The following WDFY4 variants were observed in gnomAD, a reference collection of about 807,000 sequenced individuals.
WDFY4 encodes WDFY family member 4, also known as WD repeat- and FYVE domain-containing protein 4.
WDFY4 carries 169 observed loss-of-function variants against 351.9 expected under a neutral mutation model. The observed-to-expected ratio is 0.48, with a 90% confidence interval of 0.42 to 0.55. WDFY4 has a LOEUF of 0.55. Among genes scored for constraint, WDFY4 ranks in the 20% least tolerant of loss-of-function variants. WDFY4 has a pLI of 0.00. For missense variants in WDFY4, 3,803 were observed against 3,935.6 expected (o/e 0.97, Z 0.90); for synonymous variants, 1,622 against 1,574.6 (o/e 1.03, Z -0.71).
intron 20 of WDFY4, among the ~76,000 whole-genome samples, chr10:48,787,239 A>G (rs1349607206): frequency 6.6e-6 from 1 of 152,220 alleles, no homozygotes; most frequent in African/African-American, 2.4e-5. Context: ...CCACATTTTC[A>G]TTATTGATTG....
intron 1 of WDFY4, among the ~76,000 whole-genome samples, chr10:48,709,129 C>T (rs146324544): frequency 4.4e-3 from 2 of 454 alleles, no homozygotes; most frequent in African/African-American, 4.6e-3. Flanking sequence ...CACATCTGGC[C>T]GGGCGCGGTG....
At chr10:48,947,003 C>T in intron 51 of WDFY4, 34 bp downstream of exon 51, 4 of 1,355,308 alleles carry the variant, frequency 3.0e-6, no homozygotes, top group Non-Finnish European at 4.1e-6. Flanking sequence ...CACACACACA[C>T]ACACACACAC....
Position 48,723,555 on chromosome 10 carries a change from G to A in WDFY4, c.579G>A (p.Lys193=), listed in dbSNP as rs1003895616. The A allele has an allele frequency of 6.4e-7, 1 of 1,551,824 alleles. No individual in the cohort carries two copies. The highest frequency in any genetic ancestry group is 1.4e-5 in the African/African-American group (1 of 73,040). ...TTGAGAGTGATCTTCAAGTTCAAAA[G>A]ATGTTCGTGCAGGTGAGTTCAAGGA... ...ELLESDLQVQ[K]MFVQMLLNIC... is the part of the protein sequence containing the mutation. The change falls in exon 5 of 62, where the codon AAG becomes AAA. Residue 193 remains lysine (K), a synonymous_variant. Coordinates refer to ENST00000325239, the MANE Select transcript of WDFY4 (RefSeq NM_001394531.1).
intron 13 of WDFY4, among the ~76,000 whole-genome samples, chr10:48,772,567 T>G (rs2065902253): frequency 6.9e-6 from 1 of 144,692 alleles, no homozygotes. Flanking sequence ...TTATTATACT[T>G]TAAGTTTTAG....
intron 47 of WDFY4, among the ~76,000 whole-genome samples, chr10:48,911,328 G>A (rs1459355297): frequency 6.6e-6 from 1 of 152,182 alleles, no homozygotes; most frequent in African/African-American, 2.4e-5. Flanking sequence ...GTTACTGGTA[G>A]GCGTATGTGT....
At chr10:48,960,567 A>G (rs1841812400) in intron 53 of WDFY4, among the ~76,000 whole-genome samples, 1 of 152,236 alleles carries the variant, frequency 6.6e-6, no homozygotes, top group African/African-American at 2.4e-5. Flanking sequence ...TTTCCCTTGT[A>G]GATATTTACT....
intron 13 of WDFY4, among the ~76,000 whole-genome samples, chr10:48,763,409 G>C (rs1351634444): frequency 1.3e-5 from 2 of 152,242 alleles, no homozygotes; most frequent in Non-Finnish European, 2.9e-5. Context: ...GCCTTATTGT[G>C]AGGGCATCTG....
intron 32 of WDFY4, among the ~76,000 whole-genome samples, chr10:48,819,059 C>A (rs557328214): frequency 2.0e-4 from 31 of 152,336 alleles, no homozygotes; most frequent in African/African-American, 6.7e-4. Context: ...GGGCTCCAGC[C>A]GAGTGCCCCC....
At position 48,978,464 on chromosome 10, in the gene WDFY4, C is replaced by T. The variant is rs1215932172; in HGVS notation, c.9376+71C>T. On this transcript the variant is annotated intron_variant, in intron 60 of 61. Coordinates refer to ENST00000325239, the MANE Select transcript of WDFY4 (RefSeq NM_001394531.1). Reference sequence around the variant, plus strand: ...CTCCTCACCTCCCCTCTCTCCACCTCAGCCCAAGGGCTGCAGCTCCTCCCA... The same window carrying T: ...CTCCTCACCTCCCCTCTCTCCACCTTAGCCCAAGGGCTGCAGCTCCTCCCA... 3.5e-6 allele frequency: 5 copies of T among 1,409,142 alleles called. No individual in the cohort carries two copies. In the Admixed American group the frequency reaches 1.2e-4, roughly 32 times the overall value. 87.3% of individuals were successfully genotyped at this position (1,409,142 alleles called of 1,614,324 possible). A position where few individuals can be genotyped will look rare whatever the true frequency, so the allele number is the denominator to read the frequency against.
intron 39 of WDFY4, among the ~76,000 whole-genome samples, chr10:48,857,138 A>T (rs1453439048): frequency 1.3e-5 from 2 of 152,182 alleles, no homozygotes; most frequent in African/African-American, 4.8e-5. Flanking sequence ...AGAAGCAGCT[A>T]GTTTGGCTCA....
chr10:48,833,372 C>G (rs1388953297), intron 39 of WDFY4, among the ~76,000 whole-genome samples: 1 of 152,050 alleles, frequency 6.6e-6, no homozygotes, highest in Non-Finnish European at 1.5e-5. Context: ...GGCTGGAACA[C>G]CTACACATGG....
intron 44 of WDFY4, among the ~76,000 whole-genome samples, chr10:48,892,529 C>A (rs1836865003): frequency 6.6e-6 from 1 of 152,204 alleles, no homozygotes; most frequent in African/African-American, 2.4e-5. Context: ...TGCTTTCTCT[C>A]CAGGGTCTCA....
intron 60 of WDFY4, chr10:48,979,615 ATGG>A (rs1842728192): frequency 1.3e-5 from 2 of 151,744 alleles, no homozygotes; most frequent in African/African-American, 4.8e-5. Flanking sequence ...GGATGGATGG[ATGG>A]ATGGACGGGT....
In WDFY4 at chr10:48,946,920, C is replaced by G; in HGVS notation, c.7928C>G (p.Ser2643Cys). 1 of 1,552,010 alleles carries G rather than the reference C, an allele frequency of 6.4e-7. No homozygotes were observed. Among genetic ancestry groups the G allele is most frequent in the Non-Finnish European group, 8.7e-7 (1 of 1,147,098 alleles). The change falls in exon 51 of 62, where the codon TCC becomes TGC. Residue 2643 changes from serine (S) to cysteine (C), a missense_variant. By Grantham distance (112) the Ser-to-Cys change is moderately radical (BLOSUM62 -1). Around this residue, in one of 3 missense-constraint regions of WDFY4, gnomAD observed 3,054 missense variants for 3,148.6 expected, o/e 0.97. Coordinates refer to ENST00000325239, the MANE Select transcript of WDFY4 (RefSeq NM_001394531.1). The stretch of plus-strand genomic sequence containing the variant: ...TACTCCTCGGCCATCATCGTGGCCT[C>G]CTACCTGGTCCGGATGCCACCCTTC... ...THYSSAIIVA[S>C]YLVRMPPFTQ...
Position 48,879,228 on chromosome 10 carries a change from A to G in WDFY4, c.7167+2029A>G, listed in dbSNP as rs138301219. 1.1e-3 allele frequency among the ~76,000 whole-genome samples: 168 copies of G among 152,350 alleles called. 6 individuals are homozygous for G. The East Asian group carries it at 0.032, about 29-fold the overall frequency. On this transcript the variant is annotated intron_variant, in intron 43 of 61. Transcript: ENST00000325239. Reference sequence around the variant, plus strand: ...TCTCAACTGGGGGCAACTCTACCCCACAAGGAACCCTTGCCAATGTCTGGA... The same window carrying G: ...TCTCAACTGGGGGCAACTCTACCCCGCAAGGAACCCTTGCCAATGTCTGGA...
chr10:48,844,235 G>A (rs976875153), intron 39 of WDFY4, among the ~76,000 whole-genome samples: 7 of 152,148 alleles, frequency 4.6e-5, no homozygotes, highest in African/African-American at 1.7e-4. Flanking sequence ...CTTGGCTCTT[G>A]GGCCTGGCAA....
At chr10:48,703,033 A>G (rs779839440) in intron 1 of WDFY4, among the ~76,000 whole-genome samples, 1 of 152,226 alleles carries the variant, frequency 6.6e-6, no homozygotes, top group Non-Finnish European at 1.5e-5. Context: ...AACGCTGTTC[A>G]TAGTACATCA....
rs878883148 is a variant in WDFY4 at position 48,720,026 on chromosome 10, G to A, written c.250G>A (p.Val84Met). ...PLFLKAWEHS[V>M]GIICFPSLQR... ...GTTGCTTCAGGCCTGGGAACACTCC[G>A]TGGGGATCATCTGCTTTCCCAGTCT... Residue 84 changes from valine to methionine, a missense_variant, in exon 3 of 62, where the codon GTG (valine) becomes ATG (methionine). Val to Met is a conservative substitution (Grantham distance 21). Transcript: ENST00000325239. 25 of 1,551,632 alleles carry A rather than the reference G, an allele frequency of 1.6e-5. No individual in the cohort carries two copies. Among genetic ancestry groups the A allele is most frequent in the Admixed American group, 5.9e-5 (3 of 50,990 alleles).
chr10:48,825,535 AT>A (rs1297972895), intron 35 of WDFY4, among the ~76,000 whole-genome samples: 1 of 152,230 alleles, frequency 6.6e-6, no homozygotes, highest in African/African-American at 2.4e-5. Flanking sequence ...GAATCACCAC[AT>A]CGTCTTCCAT....
Sources: gnomAD v4.1 joint callset for allele counts (sites outside exome capture counted in the v4.1 genomes callset) on GRCh38, gnomAD v4.1.1 for gene constraint, gnomAD v4.1.1 regional missense constraint, MANE v1.5 for transcripts, NCBI Gene and HGNC (gene_info 2026-07-23, HGNC 2026-07-21) for gene names.